Variants in ZMYM3 observed in about 807,000 individuals in gnomAD.
The protein encoded by ZMYM3 is zinc finger MYM-type protein 3.
In ZMYM3, 6 loss-of-function variants were observed where a neutral mutation model predicts 94.2. The ratio of observed to expected loss-of-function variants is 0.06; its 90% CI spans 0.03 to 0.13. ZMYM3 has a LOEUF of 0.13. ZMYM3 is among the 10% of genes least tolerant of loss of function. The pLI, the probability that ZMYM3 is intolerant of heterozygous loss-of-function variation, is 1.00. For synonymous variants in ZMYM3, 420 were observed against 426.5 expected, an observed-to-expected ratio of 0.98 and a Z score of 0.19; for missense variants, 664 against 1,132.6, an observed-to-expected ratio of 0.59 and a Z score of 5.94.
chrX:71,251,199 C>T lies in ZMYM3; in HGVS notation c.757G>A (p.Val253Ile). The T allele has an allele frequency of 8.3e-7, 1 of 1,210,740 alleles. No homozygotes were observed. Among genetic ancestry groups the T allele is most frequent in the Non-Finnish European group, 1.1e-6 (1 of 895,221 alleles). Residue 253 changes from valine to isoleucine, a missense_variant, in exon 4 of 25, where the codon GTT becomes ATT. By Grantham distance (29) the Val-to-Ile change is conservative. Coordinates refer to ENST00000314425, the MANE Select transcript of ZMYM3 (RefSeq NM_201599.3). ...TTACTGCTCTCAGTGGAATCTACAACCTCAGGTTTTGGAGGTTCTGCTCTC... is the reference window on the plus strand; with the variant it reads ...TTACTGCTCTCAGTGGAATCTACAATCTCAGGTTTTGGAGGTTCTGCTCTC... Reference protein sequence around the residue: ...VRRAEPPKPEVVDSTESIPVS... With the variant: ...VRRAEPPKPEIVDSTESIPVS...
chrX:71,241,820 C>T (rs1385059177), intron 23 of ZMYM3, among the ~76,000 whole-genome samples: 1 of 111,352 alleles, frequency 9.0e-6, no homozygotes, highest in Non-Finnish European at 1.9e-5. Context: ...TGTTGTTAGA[C>T]CCGATAGCAA....
In ZMYM3 at chrX:71,242,921, TG is replaced by T. The variant is rs767431606; in HGVS notation, c.3547+48del. The T allele has an allele frequency of 1.2e-5, 13 of 1,101,342 alleles. No individual in the cohort carries two copies. In the African/African-American group the frequency reaches 1.8e-4, roughly 15 times the overall value. The allele number at this position is 1,101,342 out of a possible 1,213,427, so 90.8% of individuals were successfully genotyped here. A position where few individuals can be genotyped will look rare whatever the true frequency, so the allele number is the denominator to read the frequency against. ...GCACAGGACTCTCGGGATGGTGGATTGGAAGAATGGAGAAAGCGGGTAGGGG... is the reference window on the plus strand; with the variant it reads ...GCACAGGACTCTCGGGATGGTGGATTGAAGAATGGAGAAAGCGGGTAGGGG... On this transcript the variant is annotated intron_variant, in intron 22 of 24. Transcript: ENST00000314425.
intron 23 of ZMYM3, 44 bp downstream of exon 23, chrX:71,242,126 G>A: frequency 8.7e-7 from 1 of 1,152,570 alleles, no homozygotes; most frequent in Non-Finnish European, 1.2e-6. Flanking sequence ...GGAAGGGGAA[G>A]GCAGAGAAGG....
In ZMYM3 at chrX:71,245,449, T is replaced by C; in HGVS notation, c.2897A>G (p.Glu966Gly). ...VSNQSAEGLL[E>G]DCDLFGPARD... ...AGCAGGCCCAAACAGGTCACAGTCT[T>C]CCAGGAGTCCCTCTGCACTCTGGTT... The change falls in exon 18 of 25, where the codon GAA becomes GGA. Residue 966 changes from glutamate (E) to glycine (G), a missense_variant. Glu to Gly is a moderately conservative substitution (Grantham distance 98). Around this residue, in one of 9 missense-constraint regions of ZMYM3, gnomAD observed 75 missense variants for 152.5 expected, o/e 0.49. Coordinates refer to ENST00000314425, the MANE Select transcript of ZMYM3 (RefSeq NM_201599.3). 8.3e-7 allele frequency: 1 copy of C among 1,210,191 alleles called. No individual in the cohort carries two copies. The highest frequency in any genetic ancestry group is 1.1e-6 in the Non-Finnish European group (1 of 894,852).
In ZMYM3 at chrX:71,249,100, C is replaced by T. The variant is rs373410839; in HGVS notation, c.1540G>A (p.Val514Met). ...AAGCTGGTCTTGCCATTACGATCCA[C>T]ATGTGATAGCATCTCAAAGTTCTTA... The part of the protein sequence containing the change: ...LCKNFEMLSH[V>M]DRNGKTSLFC... The change falls in exon 8 of 25, where the codon GTG becomes ATG. Residue 514 changes from valine to methionine, a missense_variant. By Grantham distance (21) the Val-to-Met change is conservative. Around this residue, in one of 9 missense-constraint regions of ZMYM3, gnomAD observed 159 missense variants for 313.0 expected, o/e 0.51. Transcript: ENST00000314425. 2 of 1,211,806 alleles carry T rather than the reference C, an allele frequency of 1.7e-6. No individual in the cohort carries two copies. The highest frequency in any genetic ancestry group is 2.2e-6 in the Non-Finnish European group (2 of 895,540).
Position 71,242,951 on chromosome X carries a change from C to G in ZMYM3, c.3547+19G>C, listed in dbSNP as rs1171671992. The G allele has an allele frequency of 8.5e-7, 1 of 1,182,726 alleles. No individual in the cohort carries two copies. The highest frequency in any genetic ancestry group is 1.1e-6 in the Non-Finnish European group (1 of 870,955). The stretch of plus-strand genomic sequence containing the variant: ...GAATGGAGAAAGCGGGTAGGGGTTG[C>G]TACGTCCCTGTTCCTTACTGTTGGG... On this transcript the variant is annotated intron_variant, in intron 22 of 24. Transcript: ENST00000314425.
Position 71,242,234 on chromosome X carries a change from AGGG to A in ZMYM3, c.3735_3737del (p.Pro1246del). On this transcript the variant is annotated inframe_deletion, in exon 23 of 25. Transcript: ENST00000314425. Reference sequence around the variant, plus strand: ...TGCTCACCACCTTGGTGGTGCCCCGAGGGGTGGTACACTTGCGGGACTGCCGCA... The same window carrying A: ...TGCTCACCACCTTGGTGGTGCCCCGAGTGGTACACTTGCGGGACTGCCGCA... 7 of 1,206,499 alleles carry A rather than the reference AGGG, an allele frequency of 5.8e-6. No individual in the cohort carries two copies. Among genetic ancestry groups the A allele is most frequent in the Non-Finnish European group, 7.8e-6 (7 of 892,851 alleles).
At chrX:71,243,765 TTC>T (rs2030045181) in intron 21 of ZMYM3, 62 bp downstream of exon 21, 1 of 1,181,693 alleles carries the variant, frequency 8.5e-7, no homozygotes, top group Admixed American at 2.2e-5. Context: ...CCAGAATCAT[TTC>T]TGTTTAGACC....
chrX:71,245,534 C>A, intron 17 of ZMYM3, 49 bp from the exon 18 acceptor site: 1 of 1,173,956 alleles, frequency 8.5e-7, no homozygotes, highest in Non-Finnish European at 1.1e-6. Flanking sequence ...CTGCTAGCAC[C>A]CTCACAAGCT....
In ZMYM3 at chrX:71,244,858, A is replaced by T; in HGVS notation, c.3043T>A (p.Phe1015Ile). The change falls in exon 19 of 25, where the codon TTT becomes ATT. Residue 1015 changes from phenylalanine to isoleucine, a missense_variant. Physicochemically the swap from Phe to Ile is conservative, Grantham distance 21 (BLOSUM62 0). This residue lies in a region of ZMYM3 where 75 missense variants were observed against 152.5 expected (regional missense o/e 0.49). Transcript: ENST00000314425. ...TCAGGCCCTACCAGGCCACAATCAA[A>T]GAGGAAGTCTACACTGGGATTAATG... The part of the protein sequence containing the change: ...LDINPSVDFL[F>I]DCGLVGPEDV... 8.3e-7 allele frequency: 1 copy of T among 1,207,885 alleles called. No individual in the cohort carries two copies.
At position 71,246,336 on chromosome X, in the gene ZMYM3, G is replaced by C. The variant is rs184417426; in HGVS notation, c.2572+17C>G. On this transcript the variant is annotated intron_variant, in intron 15 of 24. Coordinates refer to ENST00000314425, the MANE Select transcript of ZMYM3 (RefSeq NM_201599.3). ...ACTCTGGAATACAGCCTGTGGCATC[G>C]AGGTACCCTGGCTCACCTGTTTGAC... 10 of 1,210,456 alleles carry C rather than the reference G, an allele frequency of 8.3e-6. No homozygotes were observed. Among genetic ancestry groups the C allele is most frequent in the African/African-American group, 6.9e-5 (4 of 57,632 alleles).
chrX:71,245,749 G>A lies in ZMYM3; in HGVS notation c.2779C>T (p.Pro927Ser), dbSNP rs1357526287. ...ATAGCCAGGATGTCGGCCTCCAAGG[G>A]GTTGGAAGGGATCTTCACCTTCAGC... Reference protein sequence around the residue: ...EELKVKIPSNPLEADILAMAE... With the variant: ...EELKVKIPSNSLEADILAMAE... The change falls in exon 17 of 25, where the codon CCC becomes TCC. Residue 927 changes from proline (P) to serine (S), a missense_variant. By Grantham distance (74) the Pro-to-Ser change is moderately conservative. Transcript: ENST00000314425. 1 of 1,211,608 alleles carries A rather than the reference G, an allele frequency of 8.3e-7. No individual in the cohort carries two copies. The highest frequency in any genetic ancestry group is 1.7e-5 in the African/African-American group (1 of 57,714).
At chrX:71,241,996 C>T (rs1351510402) in intron 23 of ZMYM3, among the ~76,000 whole-genome samples, 174 bp downstream of exon 23, 1 of 111,416 alleles carries the variant, frequency 9.0e-6, no homozygotes, top group Non-Finnish European at 1.9e-5. Context: ...GCAACAGCTA[C>T]TGCCTATCAG....
chrX:71,253,272 G>T lies in ZMYM3; in HGVS notation c.-17C>A. 8.8e-7 allele frequency: 1 copy of T among 1,138,367 alleles called. No individual in the cohort carries two copies. The highest frequency in any genetic ancestry group is 2.2e-5 in the South Asian group (1 of 46,199). 93.8% of individuals were successfully genotyped at this position (1,138,367 alleles called of 1,213,427 possible). On this transcript the variant is annotated splice_region_variant and 5_prime_UTR_variant, in exon 2 of 25. Coordinates refer to ENST00000314425, the MANE Select transcript of ZMYM3 (RefSeq NM_201599.3). ...GGGGTCCATGAGTATGGCTGGATAT[G>T]TACTGCAGATTAGGAGTAGAAGAGG... is the stretch of plus-strand genomic sequence containing the variant.
At chrX:71,241,184 G>T (rs768309731) in intron 24 of ZMYM3, 43 bp downstream of exon 24, 3 of 1,179,157 alleles carry the variant, frequency 2.5e-6, no homozygotes, top group East Asian at 6.0e-5. Context: ...TAGATCCCTC[G>T]GGTCCCCATG....
rs1012530518 is a variant in ZMYM3, at chrX:71,253,005, C to G, written c.251G>C (p.Gly84Ala). The change falls in exon 2 of 25, where the codon GGG becomes GCG. Residue 84 changes from glycine to alanine, a missense_variant. By Grantham distance (60) the Gly-to-Ala change is moderately conservative. This residue lies in a region of ZMYM3 where 196 missense variants were observed against 190.8 expected (regional missense o/e 1.03). Transcript: ENST00000314425. Reference protein sequence around the residue: ...DGATELLGLGGLLYKAPSPPE... With the variant: ...DGATELLGLGALLYKAPSPPE... ...GGGAGAGGGGGCTTTATAGAGCAGC[C>G]CCCCCAGCCCCAGCAACTCAGTGGC... 5 of 1,205,173 alleles carry G rather than the reference C, an allele frequency of 4.1e-6. No homozygotes were observed. Among genetic ancestry groups the G allele is most frequent in the Non-Finnish European group, 5.6e-6 (5 of 893,098 alleles).
rs2030413866 is a variant in ZMYM3, at chrX:71,250,628, G to A, written c.877C>T (p.Arg293Cys). Reference sequence around the variant, plus strand: ...CCGGCCCTTTGTGACACACTTGAGCGTAGGGACATGCGAGGAGAGCGCCGG... The same window carrying A: ...CCGGCCCTTTGTGACACACTTGAGCATAGGGACATGCGAGGAGAGCGCCGG... ...RPRRSPRMSLRSSVSQRAGRS... is the reference protein window; with the variant it reads ...RPRRSPRMSLCSSVSQRAGRS... The change falls in exon 5 of 25, where the codon CGC (arginine) becomes TGC (cysteine). Residue 293 changes from arginine to cysteine, a missense_variant. Coordinates refer to ENST00000314425, the MANE Select transcript of ZMYM3 (RefSeq NM_201599.3). The A allele has an allele frequency of 4.1e-6, 5 of 1,209,790 alleles. No individual in the cohort carries two copies. Among genetic ancestry groups the A allele is most frequent in the South Asian group, 1.8e-5 (1 of 56,646 alleles).
At chrX:71,245,631 C>T in intron 17 of ZMYM3, 37 bp downstream of exon 17, 1 of 1,197,436 alleles carries the variant, frequency 8.4e-7, no homozygotes, top group African/African-American at 1.7e-5. Flanking sequence ...ATGCTGGTAG[C>T]ACCCTGTCTC....
At chrX:71,246,783 C>T (rs1482458520) in intron 13 of ZMYM3, 91 bp from the exon 14 acceptor site, 13 of 853,069 alleles carry the variant, frequency 1.5e-5, no homozygotes, top group African/African-American at 1.4e-4. Context: ...TTAACAGGTA[C>T]ACCAAATACA....
Sources: gnomAD v4.1 joint callset for allele counts (sites outside exome capture counted in the v4.1 genomes callset) on GRCh38, gnomAD v4.1.1 for gene constraint, gnomAD v4.1.1 regional missense constraint, MANE v1.5 for transcripts, NCBI Gene and HGNC (gene_info 2026-07-23, HGNC 2026-07-21) for gene names.